SLC39A12: variants seen among roughly 807,000 people sequenced by gnomAD.
SLC39A12 encodes the protein solute carrier family 39 member 12.
Under a neutral mutation model 71.1 loss-of-function variants are expected in SLC39A12, and 63 were observed. The observed-to-expected ratio is 0.89, with a 90% CI of 0.72 to 1.09. The LOEUF is 1.09. SLC39A12 is among the 50% of genes least tolerant of loss of function. SLC39A12 has a pLI of 0.00. For synonymous variants in SLC39A12, 351 were observed against 301.3 expected, an observed-to-expected ratio of 1.16 and a Z score of -1.71; for missense variants, 892 against 812.6, an observed-to-expected ratio of 1.10 and a Z score of -1.19.
At chr10:17,983,460 T>C (rs144044301) in intron 6 of SLC39A12, among the ~76,000 whole-genome samples, 22 of 151,460 alleles carry the variant, frequency 1.5e-4, no homozygotes, top group Non-Finnish European at 2.5e-4. Context: ...TGCACTCCAG[T>C]TGGGTGACAG....
rs545417940 is a variant in SLC39A12, at chr10:17,993,208, G to A, written c.1450G>A (p.Val484Met). The A allele has an allele frequency of 3.7e-5, 58 of 1,551,548 alleles. 1 individual carries two copies. In the East Asian group the frequency reaches 8.8e-4, roughly 24 times the overall value. ...KQGLSLVNGH[V>M]GHSHHLALNS... ...GGGCCTGTCATTGGTTAATGGGCACGTGGGTCATTCCCACCATCTTGCACT... is the reference window on the plus strand; with the variant it reads ...GGGCCTGTCATTGGTTAATGGGCACATGGGTCATTCCCACCATCTTGCACT... The change falls in exon 9 of 13, where the codon GTG becomes ATG. Residue 484 changes from valine to methionine, a missense_variant. By Grantham distance (21) the Val-to-Met change is conservative. Transcript: ENST00000377369.
chr10:18,020,259 G>A (rs975392763), intron 12 of SLC39A12, among the ~76,000 whole-genome samples: 2 of 151,958 alleles, frequency 1.3e-5, no homozygotes, highest in African/African-American at 2.4e-5. Context: ...TTAGGATAAC[G>A]GCCACCAGTT....
At chr10:17,957,583 G>A (rs1225145849) in intron 2 of SLC39A12, among the ~76,000 whole-genome samples, 1 of 152,060 alleles carries the variant, frequency 6.6e-6, no homozygotes, top group African/African-American at 2.4e-5. Context: ...TGATGCCTGT[G>A]GGGTGGCAGT....
intron 4 of SLC39A12, among the ~76,000 whole-genome samples, chr10:17,972,755 A>C (rs951822717): frequency 2.6e-5 from 4 of 151,590 alleles, no homozygotes; most frequent in African/African-American, 9.7e-5. Context: ...TCTTATAGGC[A>C]ATAGATCAAT....
intron 10 of SLC39A12, among the ~76,000 whole-genome samples, chr10:17,998,462 G>A (rs1190796143): frequency 6.6e-6 from 1 of 152,014 alleles, no homozygotes; most frequent in African/African-American, 2.4e-5. Flanking sequence ...CTTTATCTCT[G>A]AAAATTGGCA....
At chr10:18,041,844 C>CGTATATATATGTACATACATATGTATAT (rs1564668545) in intron 12 of SLC39A12, among the ~76,000 whole-genome samples, 72 of 140,030 alleles carry the variant, frequency 5.1e-4, no homozygotes, top group African/African-American at 2.0e-3. Flanking sequence ...CATATGTATA[C>CGTATATATATGTACATACATATGTATAT]GTATATATAT....
chr10:18,037,822 C>T (rs1440400395), intron 12 of SLC39A12, among the ~76,000 whole-genome samples: 1 of 151,450 alleles, frequency 6.6e-6, no homozygotes, highest in African/African-American at 2.4e-5. Context: ...GAGATGGAGA[C>T]CATCTTGGCC....
At chr10:17,977,530 T>C (rs950636973) in intron 4 of SLC39A12, among the ~76,000 whole-genome samples, 1 of 152,200 alleles carries the variant, frequency 6.6e-6, no homozygotes, top group African/African-American at 2.4e-5. Flanking sequence ...AAACAAGATC[T>C]AGTTTGTTTC....
At chr10:17,988,688 T>C (rs1049669323) in intron 7 of SLC39A12, among the ~76,000 whole-genome samples, 22 of 152,146 alleles carry the variant, frequency 1.4e-4, no homozygotes, top group African/African-American at 5.3e-4. Flanking sequence ...AGGGGCACAA[T>C]GGAAAACTCA....
intron 8 of SLC39A12, among the ~76,000 whole-genome samples, chr10:17,992,522 T>C (rs890979265): frequency 7.2e-5 from 11 of 152,192 alleles, no homozygotes; most frequent in Admixed American, 7.2e-4. Flanking sequence ...GGAACTTTCC[T>C]TTCACAAAAG....
chr10:17,975,988 C>T (rs867360861), intron 4 of SLC39A12, among the ~76,000 whole-genome samples: 3 of 152,156 alleles, frequency 2.0e-5, no homozygotes, highest in African/African-American at 4.8e-5. Flanking sequence ...TGCCATGCCC[C>T]CCTACTGTCA....
chr10:17,980,755 A>G (rs889915629), intron 5 of SLC39A12, among the ~76,000 whole-genome samples: 2 of 152,200 alleles, frequency 1.3e-5, no homozygotes, highest in Non-Finnish European at 2.9e-5. Flanking sequence ...GGTTATGCCA[A>G]TTGAGAGAGG....
At chr10:17,952,954 G>A (rs539902965) in intron 1 of SLC39A12, among the ~76,000 whole-genome samples, 2 of 152,146 alleles carry the variant, frequency 1.3e-5, no homozygotes, top group Non-Finnish European at 2.9e-5. Context: ...AGAAACTTAC[G>A]TGACGCTATG....
intron 5 of SLC39A12, among the ~76,000 whole-genome samples, chr10:17,980,629 C>A (rs1389445040): frequency 6.6e-6 from 1 of 152,112 alleles, no homozygotes; most frequent in Non-Finnish European, 1.5e-5. Context: ...TTATTCTTCT[C>A]TCTCATAAAT....
intron 12 of SLC39A12, among the ~76,000 whole-genome samples, chr10:18,022,295 G>A (rs2497771): frequency 0.47 from 71,737 of 151,558 alleles, 17,222 homozygotes; most frequent in Non-Finnish European, 0.51. Flanking sequence ...ACATAATCCC[G>A]TCTTTCTCAG....
rs1365512803 is a variant in SLC39A12 at position 18,043,020 on chromosome 10, C to T, written c.*187C>T. 2.8e-6 allele frequency: 1 copy of T among 358,722 alleles called. No individual in the cohort carries two copies. Among genetic ancestry groups the T allele is most frequent in the African/African-American group, 2.1e-5 (1 of 47,256 alleles). The allele number at this position is 358,722 out of a possible 1,614,324, so 22.2% of individuals were successfully genotyped here. The stretch of plus-strand genomic sequence containing the variant: ...TGGAAACATATAAATATCAGACTGT[C>T]CTTAATTGAAATTTTGTCTTTGGTT... On this transcript the variant is annotated 3_prime_UTR_variant, in exon 13 of 13. Transcript: ENST00000377369.
chr10:17,999,077 AC>A (rs1295554945), intron 10 of SLC39A12, among the ~76,000 whole-genome samples: 2 of 152,102 alleles, frequency 1.3e-5, no homozygotes, highest in African/African-American at 4.8e-5. Context: ...CGGGTGGATC[AC>A]TGGAGGTCAG....
In SLC39A12 at chr10:18,036,794, A is replaced by ATATTT. The variant is rs1554855475; in HGVS notation, c.1948-5910_1948-5909insATTTT. The stretch of plus-strand genomic sequence containing the variant: ...TATATATATATATATATATATATAT[A>ATATTT]TTTTTTTTTTTAATGGAATCTCACT... On this transcript the variant is annotated intron_variant, in intron 12 of 12. Transcript: ENST00000377369. 3.9e-4 allele frequency among the ~76,000 whole-genome samples: 36 copies of ATATTT among 92,818 alleles called. 1 individual carries two copies. The highest frequency in any genetic ancestry group is 5.4e-4 in the African/African-American group (12 of 22,262). 60.9% of individuals were successfully genotyped at this position (92,818 alleles called of 152,430 possible).
In SLC39A12 at chr10:17,976,772, G is replaced by A. The variant is rs991324168; in HGVS notation, c.752-1130G>A. ...CAGCAGTTTGACTGTAATGTGTCTG[G>A]GTGTGAATCTTTTTGTATTTATCTT... On this transcript the variant is annotated intron_variant, in intron 4 of 12. Transcript: ENST00000377369. Among the ~76,000 whole-genome samples, 3 of 151,976 alleles carry A rather than the reference G, an allele frequency of 2.0e-5. No individual in the cohort carries two copies. In the South Asian group the frequency reaches 6.2e-4, roughly 32 times the overall value.
Sources: allele counts gnomAD v4.1 joint callset (sites outside exome capture counted in the v4.1 genomes callset), GRCh38; gene constraint gnomAD v4.1.1; transcripts MANE v1.5; gene names NCBI Gene and HGNC (gene_info 2026-07-23, HGNC 2026-07-21).